The following ZNF267 variants were observed in gnomAD, a reference collection of about 807,000 sequenced individuals.
ZNF267 encodes the protein zinc finger (C2H2).
A neutral mutation model predicts 71.6 loss-of-function variants in ZNF267; 61 were observed. The ratio of observed to expected loss-of-function variants is 0.85; its 90% CI spans 0.69 to 1.05. The LOEUF is 1.05. Among genes scored for constraint, ZNF267 ranks in the 50% least tolerant of loss-of-function variants. The probability of loss-of-function intolerance (pLI) is 0.00; values close to 1 mark genes in which losing one functional copy is unlikely to be tolerated. For synonymous variants in ZNF267, 288 were observed against 293.2 expected (o/e 0.98, Z 0.18); for missense variants, 852 against 870.0 (o/e 0.98, Z 0.26).
intron 3 of ZNF267, among the ~76,000 whole-genome samples, chr16:31,904,163 C>A (rs562287387): frequency 1.3e-5 from 2 of 152,196 alleles, no homozygotes; most frequent in African/African-American, 4.8e-5. Context: ...AGTTTGTTAT[C>A]ATTTCTGTTC....
rs563751665 is a variant in ZNF267 at position 31,900,739 on chromosome 16, C to T, written c.227-13737C>T. Among the ~76,000 whole-genome samples, 38 of 149,154 alleles carry T rather than the reference C, an allele frequency of 2.5e-4. No individual in the cohort carries two copies. In the East Asian group the frequency reaches 5.3e-3, roughly 21 times the overall value. On this transcript the variant is annotated intron_variant, in intron 3 of 3. Coordinates refer to ENST00000300870, the MANE Select transcript of ZNF267 (RefSeq NM_003414.6). The stretch of plus-strand genomic sequence containing the variant: ...GATTACAAGCATGAGTCACTGTGCC[C>T]GGCCCCAAGAATTCTTTCTTTTTTT...
chr16:31,909,120 CTTTTTTT>C (rs34409182), intron 3 of ZNF267, among the ~76,000 whole-genome samples: 5 of 45,322 alleles, frequency 1.1e-4, no homozygotes, highest in African/African-American at 3.4e-4. Flanking sequence ...CTTTTCTTTT[CTTTTTTT>C]TTTTTTTTTT....
chr16:31,891,161 A>G (rs1014858124), intron 3 of ZNF267, among the ~76,000 whole-genome samples: 4 of 152,050 alleles, frequency 2.6e-5, no homozygotes, highest in Non-Finnish European at 5.9e-5. Context: ...TATATTTGTA[A>G]CAGTCTAGTT....
chr16:31,914,834 GTTAT>G lies in ZNF267; in HGVS notation c.589_592del (p.Phe197GlyfsTer6), dbSNP rs1596632613. 6.2e-7 allele frequency: 1 copy of G among 1,610,754 alleles called. No homozygotes were observed. On this transcript the variant is annotated frameshift_variant, in exon 4 of 4. Coordinates refer to ENST00000300870, the MANE Select transcript of ZNF267 (RefSeq NM_003414.6). LOFTEE classifies it high-confidence loss of function. ...ATCACATATATGATAAAACTTCAGT[GTTAT>G]TTAGGCAGGTCTCTACTCTAAATAG...
At chr16:31,904,744 G>A (rs1202759757) in intron 3 of ZNF267, among the ~76,000 whole-genome samples, 1 of 152,106 alleles carries the variant, frequency 6.6e-6, no homozygotes, top group Non-Finnish European at 1.5e-5. Flanking sequence ...TATCCAATTT[G>A]CCAGTCTGTG....
At chr16:31,881,300 C>T (rs1386977255) in intron 1 of ZNF267, among the ~76,000 whole-genome samples, 1 of 151,938 alleles carries the variant, frequency 6.6e-6, no homozygotes, top group African/African-American at 2.4e-5. Flanking sequence ...GAAGCCTAGC[C>T]CAGCCCCTGC....
intron 3 of ZNF267, among the ~76,000 whole-genome samples, chr16:31,904,992 A>G (rs1266090675): frequency 7.2e-5 from 11 of 152,094 alleles, no homozygotes; most frequent in South Asian, 6.2e-4. Context: ...TGGTGACAAA[A>G]TCTCTCAGCA....
intron 3 of ZNF267, among the ~76,000 whole-genome samples, chr16:31,889,305 C>G (rs1041252247): frequency 6.6e-6 from 1 of 151,640 alleles, no homozygotes; most frequent in African/African-American, 2.4e-5. Context: ...ATTATGCCAA[C>G]ACTGGGATTA....
intron 3 of ZNF267, chr16:31,894,731 G>A (rs1426513815): frequency 8.3e-6 from 4 of 481,886 alleles, no homozygotes; most frequent in Non-Finnish European, 1.7e-5. Context: ...TGCTCTAATA[G>A]TAGCCTGGTG....
chr16:31,879,722 T>C (rs1193797954), intron 1 of ZNF267, among the ~76,000 whole-genome samples: 1 of 152,196 alleles, frequency 6.6e-6, no homozygotes, highest in African/African-American at 2.4e-5. Context: ...AAAATAAGTT[T>C]ACAGGGCATC....
Position 31,873,988 on chromosome 16 carries a change from G to A in ZNF267, c.3+19G>A. On this transcript the variant is annotated intron_variant, in intron 1 of 3. Transcript: ENST00000300870. ...GGAAATGGTGAGTGTGCGGGGTCGG[G>A]GGTCCCCAGAGGGAGGGAGGGCGGT... The A allele has an allele frequency of 6.2e-7, 1 of 1,610,408 alleles. No individual in the cohort carries two copies. The highest frequency in any genetic ancestry group is 8.5e-7 in the Non-Finnish European group (1 of 1,177,342).
At chr16:31,905,897 T>C (rs535258478) in intron 3 of ZNF267, among the ~76,000 whole-genome samples, 1 of 152,350 alleles carries the variant, frequency 6.6e-6, no homozygotes, top group Admixed American at 6.5e-5. Context: ...CTGCTGTTTT[T>C]TCCCCATCTT....
At chr16:31,879,133 A>G (rs1331079788) in intron 1 of ZNF267, among the ~76,000 whole-genome samples, 11 of 152,270 alleles carry the variant, frequency 7.2e-5, no homozygotes, top group Admixed American at 7.2e-4. Flanking sequence ...AGATAGATCC[A>G]TATCCTACAG....
chr16:31,884,562 C>T lies in ZNF267; in HGVS notation c.68C>T (p.Pro23Leu). 1 of 1,614,092 alleles carries T rather than the reference C, an allele frequency of 6.2e-7. No homozygotes were observed. Among genetic ancestry groups the T allele is most frequent in the African/African-American group, 1.3e-5 (1 of 75,026 alleles). Reference protein sequence around the residue: ...FSLEEWEHLEPAQKNLYQDVM... With the variant: ...FSLEEWEHLELAQKNLYQDVM... Reference sequence around the variant, plus strand: ...TTGGAGGAGTGGGAACACCTGGAACCAGCTCAGAAGAATTTGTATCAGGAT... The same window carrying T: ...TTGGAGGAGTGGGAACACCTGGAACTAGCTCAGAAGAATTTGTATCAGGAT... The change falls in exon 2 of 4, where the codon CCA (proline) becomes CTA (leucine). Residue 23 changes from proline (P) to leucine (L), a missense_variant. Pro to Leu is a moderately conservative substitution (Grantham distance 98, BLOSUM62 -3). Transcript: ENST00000300870.
At chr16:31,877,954 G>A (rs140210329) in intron 1 of ZNF267, among the ~76,000 whole-genome samples, 3 of 152,070 alleles carry the variant, frequency 2.0e-5, no homozygotes, top group Non-Finnish European at 4.4e-5. Flanking sequence ...CTTAAGGATA[G>A]GGTTATGGGT....
At position 31,916,481 on chromosome 16, in the gene ZNF267, A is replaced by C. The variant is rs79476110; in HGVS notation, c.2232A>C (p.Ter744TyrextTer31). ...HQRSHTREKL[*>Y] is the part of the protein sequence containing the mutation. ...GAAGTCATACTAGAGAAAAACTTTAAAAATGTAAAACATGGAGCAGATTTT... is the reference window on the plus strand; with the variant it reads ...GAAGTCATACTAGAGAAAAACTTTACAAATGTAAAACATGGAGCAGATTTT... The change falls in exon 4 of 4, where the codon TAA becomes TAC. Residue 744 changes from the stop codon to tyrosine (Y), a stop_lost. Transcript: ENST00000300870. The C allele has an allele frequency of 6.2e-7, 1 of 1,603,234 alleles. No homozygotes were observed. Among genetic ancestry groups the C allele is most frequent in the Non-Finnish European group, 8.5e-7 (1 of 1,175,164 alleles).
chr16:31,875,036 C>T, intron 1 of ZNF267: 1 of 997,338 alleles, frequency 1.0e-6, no homozygotes, highest in Non-Finnish European at 1.4e-6. Flanking sequence ...TAAAAAATCC[C>T]TGACACTCCA....
chr16:31,881,771 A>G (rs868001905), intron 1 of ZNF267, among the ~76,000 whole-genome samples: 1 of 145,826 alleles, frequency 6.9e-6, no homozygotes, highest in Non-Finnish European at 1.5e-5. Context: ...GGTTCAGATG[A>G]TTCTCCTGCC....
chr16:31,878,419 C>T (rs955015162), intron 1 of ZNF267, among the ~76,000 whole-genome samples: 5 of 152,160 alleles, frequency 3.3e-5, no homozygotes, highest in African/African-American at 1.2e-4. Flanking sequence ...TTGACATGTC[C>T]CCGTCCATCC....
Sources: allele counts gnomAD v4.1 joint callset (sites outside exome capture counted in the v4.1 genomes callset), GRCh38; gene constraint gnomAD v4.1.1; transcripts MANE v1.5; gene names NCBI Gene and HGNC (gene_info 2026-07-23, HGNC 2026-07-21).